Variants in MLLT10 observed in about 807,000 individuals in gnomAD.
MLLT10 encodes MLLT10 histone lysine methyltransferase DOT1L cofactor, also known as protein AF-10.
MLLT10 carries 30 observed loss-of-function variants against 129.1 expected under a neutral mutation model. That is an observed-to-expected ratio of 0.23 (90% CI 0.17 to 0.32). The LOEUF (loss-of-function observed/expected upper bound fraction) is 0.32. Ranked by LOEUF, MLLT10 falls within the 10% of genes least tolerant of loss-of-function variation. The pLI, the probability that MLLT10 is intolerant of heterozygous loss-of-function variation, is 1.00. For missense variants in MLLT10, 1,119 were observed against 1,268.3 expected (o/e 0.88, Z 1.79); for synonymous variants, 490 against 446.4 (o/e 1.10, Z -1.23).
chr10:21,601,334 T>C (rs2043514560), intron 5 of MLLT10, among the ~76,000 whole-genome samples: 1 of 152,180 alleles, frequency 6.6e-6, no homozygotes, highest in Non-Finnish European at 1.5e-5. Context: ...ATTTATTTGA[T>C]AAGGACTGTG....
chr10:21,735,992 T>C (rs994911577), intron 21 of MLLT10, among the ~76,000 whole-genome samples: 1 of 152,220 alleles, frequency 6.6e-6, no homozygotes, highest in Admixed American at 6.5e-5. Context: ...AAGACCTATG[T>C]ACGCCTCATT....
chr10:21,727,029 C>G (rs2057568173), intron 15 of MLLT10, among the ~76,000 whole-genome samples: 1 of 152,052 alleles, frequency 6.6e-6, no homozygotes, highest in African/African-American at 2.4e-5. Context: ...TCATTGCATC[C>G]TTAAGGATTG....
At chr10:21,595,482 T>A (rs112591223) in intron 5 of MLLT10, 42 bp downstream of exon 5, 2 of 1,459,400 alleles carry the variant, frequency 1.4e-6, no homozygotes, top group South Asian at 1.2e-5. Context: ...ATATCACTAC[T>A]GGGAAGTAGA....
Position 21,739,346 on chromosome 10 carries a change from C to T in MLLT10, c.2956-684C>T, listed in dbSNP as rs145251999. Among the ~76,000 whole-genome samples, 61 of 152,240 alleles carry T rather than the reference C, an allele frequency of 4.0e-4. No individual in the cohort carries two copies. The East Asian group carries it at 9.5e-3, about 24-fold the overall frequency. ...CTCACCTGCCCCCATATCCACCCAG[C>T]GAATTCCCTCTTCTCCTCCAAATCT... On this transcript the variant is annotated intron_variant, in intron 21 of 22. Transcript: ENST00000307729.
chr10:21,556,449 A>T (rs972282778), intron 3 of MLLT10, among the ~76,000 whole-genome samples: 1 of 152,104 alleles, frequency 6.6e-6, no homozygotes, highest in Non-Finnish European at 1.5e-5. Context: ...AGCCAGATGG[A>T]TGTTGGAATT....
intron 21 of MLLT10, 80 bp downstream of exon 21, chr10:21,735,315 C>G (rs1439625291): frequency 2.3e-5 from 28 of 1,209,610 alleles, no homozygotes; most frequent in African/African-American, 1.5e-5. Context: ...CAGATTTCTC[C>G]TTTGTGAAAT....
At chr10:21,556,731 C>G (rs1294895575) in intron 3 of MLLT10, 1 of 1,612,018 alleles carries the variant, frequency 6.2e-7, no homozygotes. Flanking sequence ...TCTCCCCACC[C>G]CCGATGCCTG....
At chr10:21,584,284 C>G (rs2041776719) in intron 3 of MLLT10, among the ~76,000 whole-genome samples, 1 of 151,962 alleles carries the variant, frequency 6.6e-6, no homozygotes, top group Admixed American at 6.6e-5. Context: ...CTGCCTCAGC[C>G]TCCCAAGTAG....
chr10:21,682,951 G>T (rs2052896559), intron 13 of MLLT10, among the ~76,000 whole-genome samples: 1 of 152,018 alleles, frequency 6.6e-6, no homozygotes, highest in Non-Finnish European at 1.5e-5. Flanking sequence ...TTCTTTTTCA[G>T]TTATTAACAG....
intron 13 of MLLT10, among the ~76,000 whole-genome samples, chr10:21,701,565 C>A (rs2054915438): frequency 6.6e-6 from 1 of 151,914 alleles, no homozygotes; most frequent in Admixed American, 6.6e-5. Flanking sequence ...TTCATTGGCA[C>A]AGTGGTGGAT....
rs1423240407 is a variant in MLLT10 at position 21,742,524 on chromosome 10, G to GT, written c.*543dup. 3.3e-5 allele frequency: 7 copies of GT among 214,490 alleles called. No homozygotes were observed. Among genetic ancestry groups the GT allele is most frequent in the African/African-American group, 4.5e-5 (2 of 43,994 alleles). The allele number at this position is 214,490 out of a possible 1,614,324, so 13.3% of individuals were successfully genotyped here. On this transcript the variant is annotated 3_prime_UTR_variant, in exon 23 of 23. Transcript: ENST00000307729. The stretch of plus-strand genomic sequence containing the variant: ...CATCACCTGGGACTTGGCAATCTTT[G>GT]TTAAAAAAAAATTTCCTTTCTAATG...
At chr10:21,568,651 T>A (rs1003478314) in intron 3 of MLLT10, among the ~76,000 whole-genome samples, 9 of 152,228 alleles carry the variant, frequency 5.9e-5, no homozygotes, top group African/African-American at 2.2e-4. Context: ...TTTCATTTTA[T>A]ATTTTGAGAC....
chr10:21,660,296 C>T (rs1279385331), intron 9 of MLLT10, among the ~76,000 whole-genome samples: 1 of 141,990 alleles, frequency 7.0e-6, no homozygotes, highest in Non-Finnish European at 1.5e-5. Flanking sequence ...TTACATTGGG[C>T]TTAATTGGCT....
intron 3 of MLLT10, among the ~76,000 whole-genome samples, chr10:21,582,337 C>T (rs1468452368): frequency 6.6e-6 from 1 of 152,084 alleles, no homozygotes; most frequent in Non-Finnish European, 1.5e-5. Flanking sequence ...CCAGGCTGGT[C>T]TCGAACTCCT....
intron 3 of MLLT10, among the ~76,000 whole-genome samples, chr10:21,577,514 AGTGCAATG>A (rs1450917943): frequency 7.3e-6 from 1 of 136,486 alleles, no homozygotes; most frequent in African/African-American, 2.8e-5. Flanking sequence ...CCCAGGCTGG[AGTGCAATG>A]GTGCAATGGC....
chr10:21,618,341 C>T (rs1000754818), intron 8 of MLLT10, among the ~76,000 whole-genome samples: 4 of 150,022 alleles, frequency 2.7e-5, no homozygotes, highest in South Asian at 2.1e-4. Context: ...ACTAAAAATA[C>T]GAAAAAAAAA....
chr10:21,587,921 A>G (rs1448370564), intron 4 of MLLT10, among the ~76,000 whole-genome samples: 1 of 152,146 alleles, frequency 6.6e-6, no homozygotes, highest in East Asian at 1.9e-4. Context: ...ATATCTTTCT[A>G]GGTTTCTTTT....
chr10:21,682,974 C>T (rs1051691300), intron 13 of MLLT10, among the ~76,000 whole-genome samples: 3 of 152,016 alleles, frequency 2.0e-5, no homozygotes, highest in South Asian at 2.1e-4. Flanking sequence ...CTCATTTGTT[C>T]GAGACTGTTT....
upstream of MLLT10, among the ~76,000 whole-genome samples, chr10:21,534,009 TCCCCGCCCCCGCGTGCGCGC>T (rs1000737918): frequency 4.6e-5 from 7 of 151,488 alleles, no homozygotes; most frequent in African/African-American, 7.3e-5. Flanking sequence ...GGCCCTAACG[TCCCCGCCCCCGCGTGCGCGC>T]CCCCGCGCCC....
Sources: gnomAD v4.1 joint callset for allele counts (sites outside exome capture counted in the v4.1 genomes callset) on GRCh38, gnomAD v4.1.1 for gene constraint, MANE v1.5 for transcripts, NCBI Gene and HGNC (gene_info 2026-07-23, HGNC 2026-07-21) for gene names.